Variants in TMPRSS3 observed in about 807,000 individuals in gnomAD.
TMPRSS3 encodes transmembrane serine protease 3.
A neutral mutation model predicts 59.6 loss-of-function variants in TMPRSS3; 55 were observed. That is an observed-to-expected ratio of 0.92 (90% CI 0.74 to 1.16). The LOEUF (loss-of-function observed/expected upper bound fraction) is 1.16. Ranked by LOEUF, TMPRSS3 falls within the 50% of genes most tolerant of loss-of-function variation. The pLI, the probability that TMPRSS3 is intolerant of heterozygous loss-of-function variation, is 0.00. For missense variants in TMPRSS3, 596 were observed against 579.4 expected (o/e 1.03, Z -0.29); for synonymous variants, 257 against 237.7 (o/e 1.08, Z -0.75).
At chr21:42,386,977 G>C (rs1301751364) in intron 5 of TMPRSS3, among the ~76,000 whole-genome samples, 1 of 152,092 alleles carries the variant, frequency 6.6e-6, no homozygotes, top group East Asian at 1.9e-4. Context: ...GGCAATATTG[G>C]GGTGAGAGAT....
At chr21:42,395,096 G>A (rs2052784778) in intron 2 of TMPRSS3, among the ~76,000 whole-genome samples, 1 of 152,176 alleles carries the variant, frequency 6.6e-6, no homozygotes. Flanking sequence ...TCCAACAAGA[G>A]AAGAAAACAC....
chr21:42,395,499 T>TC, intron 1 of TMPRSS3, 31 bp from the exon 2 acceptor site: 1 of 1,219,764 alleles, frequency 8.2e-7, no homozygotes, highest in Non-Finnish European at 1.2e-6. Flanking sequence ...AAGCATTTGT[T>TC]CCCCTATTTA....
chr21:42,377,481 C>A (rs1464152227), intron 10 of TMPRSS3, among the ~76,000 whole-genome samples: 1 of 152,224 alleles, frequency 6.6e-6, no homozygotes, highest in African/African-American at 2.4e-5. Context: ...GACGCCAGCG[C>A]CCTGAGACTG....
Position 42,388,275 on chromosome 21 carries a change from G to A in TMPRSS3, c.446+128C>T. The stretch of plus-strand genomic sequence containing the variant: ...GTGAGGATGATATCGGGCATCCTAA[G>A]GTGGATGTGAGGATGTAATCTGAGA... On this transcript the variant is annotated intron_variant, in intron 5 of 12. Coordinates refer to ENST00000644384, the MANE Select transcript of TMPRSS3 (RefSeq NM_001256317.3). The surrounding 1 kb of genome is among the most constrained non-coding windows in gnomAD (Gnocchi z 5.1). The A allele has an allele frequency of 1.6e-6, 2 of 1,281,360 alleles. No homozygotes were observed. Among genetic ancestry groups the A allele is most frequent in the Admixed American group, 1.8e-5 (1 of 54,578 alleles). 79.4% of individuals were successfully genotyped at this position (1,281,360 alleles called of 1,614,324 possible). A position where few individuals can be genotyped will look rare whatever the true frequency, so the allele number is the denominator to read the frequency against.
At chr21:42,392,176 T>C (rs1214307896) in intron 2 of TMPRSS3, among the ~76,000 whole-genome samples, 1 of 152,176 alleles carries the variant, frequency 6.6e-6, no homozygotes, top group Non-Finnish European at 1.5e-5. Flanking sequence ...ATGGAAGAGC[T>C]AAAAAGATCT....
chr21:42,379,763 GA>G (rs2052490160), intron 10 of TMPRSS3, among the ~76,000 whole-genome samples: 1 of 152,056 alleles, frequency 6.6e-6, no homozygotes, highest in Non-Finnish European at 1.5e-5. Flanking sequence ...TCACAAATAC[GA>G]ATCTTTGAGT....
chr21:42,382,060 T>C lies in TMPRSS3; in HGVS notation c.952+5A>G. ...CTGCAGAACCACATAGAGACCCAGA[T>C]GTACCATTGAACGTGAGTGGCCCGG... On this transcript the variant is annotated splice_donor_5th_base_variant and intron_variant, in intron 9 of 12. Coordinates refer to ENST00000644384, the MANE Select transcript of TMPRSS3 (RefSeq NM_001256317.3). 2 of 1,614,228 alleles carry C rather than the reference T, an allele frequency of 1.2e-6. No individual in the cohort carries two copies. Among genetic ancestry groups the C allele is most frequent in the Non-Finnish European group, 1.7e-6 (2 of 1,180,040 alleles).
At position 42,376,533 on chromosome 21, in the gene TMPRSS3, C is replaced by T. The variant is rs757635909; in HGVS notation, c.1191+8G>A. 7 of 1,612,864 alleles carry T rather than the reference C, an allele frequency of 4.3e-6. No homozygotes were observed. In the South Asian group the frequency reaches 7.7e-5, roughly 18 times the overall value. ...GCCACGGCCTCGCCCACCGCTGCGG[C>T]CCCGTACCTGGCAGCTGTCCACGCC... On this transcript the variant is annotated splice_region_variant and intron_variant, in intron 11 of 12. Transcript: ENST00000644384.
intron 3 of TMPRSS3, 93 bp downstream of exon 3, chr21:42,389,834 G>T: frequency 1.0e-6 from 1 of 974,094 alleles, no homozygotes; most frequent in Non-Finnish European, 1.7e-6. Context: ...AGGCTGGGCA[G>T]CAGCAAAATG....
At chr21:42,375,161 G>A (rs949610862) in intron 12 of TMPRSS3, among the ~76,000 whole-genome samples, 1 of 151,854 alleles carries the variant, frequency 6.6e-6, no homozygotes, top group Admixed American at 6.6e-5. Context: ...GTCCTGCCAA[G>A]CCAGCCTCGC....
At chr21:42,385,647 TC>T (rs1450327669) in intron 5 of TMPRSS3, 113 bp from the exon 6 acceptor site, 3 of 1,416,452 alleles carry the variant, frequency 2.1e-6, no homozygotes, top group African/African-American at 2.9e-5. Flanking sequence ...TGTCATTTTG[TC>T]CCCCCAAACC....
chr21:42,381,399 C>A (rs1034957415), intron 9 of TMPRSS3, among the ~76,000 whole-genome samples: 67 of 152,214 alleles, frequency 4.4e-4, no homozygotes, highest in African/African-American at 1.5e-3. Flanking sequence ...CTCCACCACA[C>A]CACCTGGCCA....
intron 11 of TMPRSS3, among the ~76,000 whole-genome samples, chr21:42,376,258 GCCACCTGCCTCCCCA>G (rs939492732): frequency 2.0e-5 from 3 of 152,178 alleles, no homozygotes; most frequent in Admixed American, 1.3e-4. Flanking sequence ...CTGGTTCCCC[GCCACCTGCCTCCCCA>G]CCACCTGCCT....
rs727504592 is a variant in TMPRSS3 at position 42,382,069 on chromosome 21, G to C, written c.948C>G (p.Phe316Leu). 1 of 1,614,200 alleles carries C rather than the reference G, an allele frequency of 6.2e-7. No individual in the cohort carries two copies. The highest frequency in any genetic ancestry group is 1.1e-5 in the South Asian group (1 of 91,070). The change falls in exon 9 of 13, where the codon TTC becomes TTG. Residue 316 changes from phenylalanine to leucine, a missense_variant. Physicochemically the swap from Phe to Leu is conservative, Grantham distance 22. Coordinates refer to ENST00000644384, the MANE Select transcript of TMPRSS3 (RefSeq NM_001256317.3). Reference sequence around the variant, plus strand: ...CACATAGAGACCCAGATGTACCATTGAACGTGAGTGGCCCGGCCAGCTTCA... The same window carrying C: ...CACATAGAGACCCAGATGTACCATTCAACGTGAGTGGCCCGGCCAGCTTCA... ...ALMKLAGPLTFNEMIQPVCLP... is the reference protein window; with the variant it reads ...ALMKLAGPLTLNEMIQPVCLP...
intron 10 of TMPRSS3, among the ~76,000 whole-genome samples, chr21:42,379,769 T>C (rs1420551335): frequency 1.3e-5 from 2 of 152,108 alleles, no homozygotes; most frequent in Admixed American, 6.5e-5. Flanking sequence ...ATACGAATCT[T>C]TGAGTTCTGA....
Position 42,388,911 on chromosome 21 carries a change from G to A in TMPRSS3, c.322+18C>T, listed in dbSNP as rs751824789. 1.2e-6 allele frequency: 2 copies of A among 1,606,342 alleles called. No individual in the cohort carries two copies. Among genetic ancestry groups the A allele is most frequent in the African/African-American group, 2.7e-5 (2 of 74,758 alleles). ...GCTGCTTCCTTCTGTTTCCCCAGGG[G>A]AAGAGCCATGACCTTACCACAGCGG... On this transcript the variant is annotated intron_variant, in intron 4 of 12. Coordinates refer to ENST00000644384, the MANE Select transcript of TMPRSS3 (RefSeq NM_001256317.3). The surrounding 1 kb of genome is among the most constrained non-coding windows in gnomAD (Gnocchi z 5.1).
intron 2 of TMPRSS3, among the ~76,000 whole-genome samples, chr21:42,394,641 C>T (rs2052778530): frequency 6.6e-6 from 1 of 152,168 alleles, no homozygotes; most frequent in African/African-American, 2.4e-5. Flanking sequence ...ATTAGGGTGA[C>T]CCCCACTCCC....
chr21:42,388,785 T>C lies in TMPRSS3; in HGVS notation c.322+144A>G, dbSNP rs1003228247. On this transcript the variant is annotated intron_variant, in intron 4 of 12. Transcript: ENST00000644384. The surrounding 1 kb of genome is among the most constrained non-coding windows in gnomAD (Gnocchi z 5.1). Reference sequence around the variant, plus strand: ...CTCCCTGACCCCCCAGCCCAACATGTCTTTGGGCAAACGCCAGTTCAATCC... The same window carrying C: ...CTCCCTGACCCCCCAGCCCAACATGCCTTTGGGCAAACGCCAGTTCAATCC... 6.4e-6 allele frequency: 6 copies of C among 931,236 alleles called. No homozygotes were observed. In the African/African-American group the frequency reaches 8.1e-5, roughly 13 times the overall value. The allele number at this position is 931,236 out of a possible 1,614,324, so 57.7% of individuals were successfully genotyped here.
chr21:42,387,779 G>A (rs545608893), intron 5 of TMPRSS3, among the ~76,000 whole-genome samples: 21 of 152,302 alleles, frequency 1.4e-4, no homozygotes, highest in African/African-American at 4.6e-4. Flanking sequence ...AGCGGCCGCA[G>A]GAAGTCAGAA....
Sources: gnomAD v4.1 joint callset for allele counts (sites outside exome capture counted in the v4.1 genomes callset) on GRCh38, gnomAD v4.1.1 for gene constraint, Gnocchi (gnomAD v3.1) non-coding constraint, MANE v1.5 for transcripts, NCBI Gene and HGNC (gene_info 2026-07-23, HGNC 2026-07-21) for gene names.